Variants in POM121 observed in about 807,000 individuals in gnomAD.
POM121 encodes POM121 transmembrane nucleoporin.
POM121 carries 32 observed loss-of-function variants against 81.3 expected under a neutral mutation model. That is an observed-to-expected ratio of 0.39 (90% confidence interval 0.30 to 0.53). The LOEUF is 0.53. Among genes scored for constraint, POM121 ranks in the 20% least tolerant of loss-of-function variants. POM121 has a pLI of 0.66. For missense variants in POM121, 1,138 were observed against 1,614.6 expected (o/e 0.70, Z 5.06); for synonymous variants, 514 against 694.2 (o/e 0.74, Z 4.08).
At chr7:72,898,979 CTTTTTTTT>C (rs1176371162) in intron 3 of POM121, among the ~76,000 whole-genome samples, 2 of 34,096 alleles carry the variant, frequency 5.9e-5, no homozygotes, top group Non-Finnish European at 9.8e-5. Flanking sequence ...CTTTTCTTTT[CTTTTTTTT>C]TTTTTTTTTT....
In POM121 at chr7:72,911,278, C is replaced by G. The variant is rs377261674; in HGVS notation, c.-215-2487C>G. ...GGATTACAGGCATGAGCCACCGTGC[C>G]CAGCTGCTTCATGTATTTTGAACAG... is the stretch of plus-strand genomic sequence containing the variant. On this transcript the variant is annotated intron_variant, in intron 3 of 15. Transcript: ENST00000395270. 2.5e-4 allele frequency among the ~76,000 whole-genome samples: 38 copies of G among 152,334 alleles called. 1 individual carries two copies. In the South Asian group the frequency reaches 7.2e-3, roughly 29 times the overall value.
intron 7 of POM121, 36 bp downstream of exon 7, chr7:72,939,445 G>C: frequency 3.1e-6 from 5 of 1,612,208 alleles, no homozygotes; most frequent in Non-Finnish European, 4.2e-6. Flanking sequence ...GCTGCTGTTG[G>C]TGGTGGAGGT....
At chr7:72,930,278 A>G (rs1795883742) in intron 5 of POM121, among the ~76,000 whole-genome samples, 167 bp downstream of exon 5, 1 of 152,214 alleles carries the variant, frequency 6.6e-6, no homozygotes. Flanking sequence ...AATATAGTGA[A>G]ACCTTGTCTG....
At chr7:72,887,575 GCAA>G (rs1397508723) in intron 1 of POM121, among the ~76,000 whole-genome samples, 4 of 152,134 alleles carry the variant, frequency 2.6e-5, no homozygotes, top group Admixed American at 6.6e-5. Flanking sequence ...TGTAATCACA[GCAA>G]CAACAACAAC....
intron 11 of POM121, 130 bp downstream of exon 11, chr7:72,943,652 G>C: frequency 7.0e-7 from 1 of 1,435,360 alleles, no homozygotes. Flanking sequence ...TCAGTGAGAT[G>C]CCAGGGAACG....
At chr7:72,938,865 A>G (rs1455457802) in intron 6 of POM121, among the ~76,000 whole-genome samples, 184 bp downstream of exon 6, 2 of 152,212 alleles carry the variant, frequency 1.3e-5, no homozygotes, top group Non-Finnish European at 2.9e-5. Flanking sequence ...AGTCTTGGAT[A>G]CTGACTCCAG....
chr7:72,898,431 A>C (rs1792190545), intron 3 of POM121, among the ~76,000 whole-genome samples: 1 of 152,276 alleles, frequency 6.6e-6, no homozygotes, highest in Admixed American at 6.5e-5. Context: ...TTAGATATCC[A>C]AATGGAAACA....
chr7:72,888,139 C>T (rs1354604168), intron 1 of POM121, among the ~76,000 whole-genome samples: 3 of 152,186 alleles, frequency 2.0e-5, no homozygotes, highest in Non-Finnish European at 4.4e-5. Flanking sequence ...GCTGGGATTA[C>T]AGGCATGAGC....
intron 1 of POM121, among the ~76,000 whole-genome samples, chr7:72,881,872 C>T (rs1471786039): frequency 2.0e-5 from 3 of 152,030 alleles, no homozygotes; most frequent in Non-Finnish European, 1.5e-5. Flanking sequence ...CTCAGGTGAT[C>T]CTCCTGCCTC....
At chr7:72,929,121 G>C (rs1217384098) in intron 4 of POM121, among the ~76,000 whole-genome samples, 1 of 152,198 alleles carries the variant, frequency 6.6e-6, no homozygotes, top group Admixed American at 6.5e-5. Context: ...ATTTGCAACA[G>C]CCCAAAGGGG....
intron 3 of POM121, among the ~76,000 whole-genome samples, chr7:72,900,266 G>A (rs1160974458): frequency 1.7e-4 from 26 of 151,990 alleles, no homozygotes; most frequent in Non-Finnish European, 2.9e-4. Context: ...TGGGTGCCTA[G>A]ATTTGTTTGT....
intron 4 of POM121, among the ~76,000 whole-genome samples, chr7:72,928,699 A>G (rs1203283152): frequency 1.3e-5 from 2 of 152,026 alleles, no homozygotes; most frequent in Non-Finnish European, 2.9e-5. Context: ...AAGAGGTTTT[A>G]TAAATATATT....
At chr7:72,923,545 C>A (rs1554496382), upstream of POM121, among the ~76,000 whole-genome samples, 1 of 151,912 alleles carries the variant, frequency 6.6e-6, no homozygotes, top group Non-Finnish European at 1.5e-5. Flanking sequence ...GCCTCAGCCT[C>A]CCGAGTAGCT....
intron 3 of POM121, among the ~76,000 whole-genome samples, chr7:72,911,267 A>C (rs1793775286): frequency 6.6e-6 from 1 of 152,246 alleles, no homozygotes; most frequent in Non-Finnish European, 1.5e-5. Flanking sequence ...TACAGGCATG[A>C]GCCACCGTGC....
intron 3 of POM121, among the ~76,000 whole-genome samples, chr7:72,909,278 C>T (rs1455819359): frequency 6.6e-6 from 1 of 152,160 alleles, no homozygotes; most frequent in East Asian, 1.9e-4. Context: ...TAAGATAGCT[C>T]ATCTAAAATC....
intron 3 of POM121, among the ~76,000 whole-genome samples, chr7:72,891,510 G>A (rs533322431): frequency 5.6e-4 from 86 of 152,248 alleles, no homozygotes; most frequent in Middle Eastern, 3.4e-3. Flanking sequence ...AGGTTCAAGC[G>A]ATTCTCCTTC....
At chr7:72,893,982 A>G (rs1791589769) in intron 3 of POM121, among the ~76,000 whole-genome samples, 2 of 152,006 alleles carry the variant, frequency 1.3e-5, no homozygotes, top group Non-Finnish European at 2.9e-5. Context: ...TTTAAGAGAC[A>G]AGGTCTCGGC....
At chr7:72,936,737 G>A (rs1554499593) in intron 5 of POM121, among the ~76,000 whole-genome samples, 1 of 152,134 alleles carries the variant, frequency 6.6e-6, no homozygotes, top group South Asian at 2.1e-4. Context: ...ACCCTTGCTT[G>A]CTCAGTGATG....
In POM121 at chr7:72,929,976, C is replaced by T. The variant is rs782202389; in HGVS notation, c.1140C>T (p.Ser380=). The change falls in exon 5 of 13, where the codon AGC becomes AGT. Residue 380 remains serine (S), a synonymous_variant. Transcript: ENST00000434423. ...GSLKRGLNSQ[S]SDDHLNKRSR... is the part of the protein sequence containing the mutation. ...TGAAGAGAGGCCTCAATTCTCAGAG[C>T]TCAGATGACCACTTGAATAAGAGAT... 2.5e-6 allele frequency: 4 copies of T among 1,613,616 alleles called. No homozygotes were observed. The South Asian group carries it at 4.4e-5, about 18-fold the overall frequency.
Sources: allele counts gnomAD v4.1 joint callset (sites outside exome capture counted in the v4.1 genomes callset), GRCh38; gene constraint gnomAD v4.1.1; transcripts MANE v1.5; gene names NCBI Gene and HGNC (gene_info 2026-07-23, HGNC 2026-07-21).